AJAP1: variants seen among roughly 807,000 people sequenced by gnomAD.
The protein encoded by AJAP1 is adherens junction-associated protein 1.
A neutral mutation model predicts 35.0 loss-of-function variants in AJAP1; 5 were observed. The observed-to-expected ratio is 0.14, with a 90% CI of 0.07 to 0.30. AJAP1 has a LOEUF of 0.30. Among genes scored for constraint, AJAP1 ranks in the 10% least tolerant of loss-of-function variants. AJAP1 has a pLI of 1.00. For missense variants in AJAP1, 586 were observed against 571.0 expected, an observed-to-expected ratio of 1.03 and a Z score of -0.27; for synonymous variants, 284 against 249.3, an observed-to-expected ratio of 1.14 and a Z score of -1.31.
rs1642241764 is a variant in AJAP1, at chr1:4,791,059, C to T, written c.*8574C>T. The T allele has an allele frequency of 6.7e-6, 1 of 148,812 alleles. No individual in the cohort carries two copies. The highest frequency in any genetic ancestry group is 1.5e-5 in the Non-Finnish European group (1 of 67,684). The allele number at this position is 148,812 out of a possible 1,614,324, so 9.2% of individuals were successfully genotyped here. On this transcript the variant is annotated 3_prime_UTR_variant, in exon 6 of 6. Transcript: ENST00000378191. ...TGGAGCCCAGAGAGGGGGTCACCCT[C>T]CAGCTAAAATGATTTAAATGGAAAG...
intron 1 of AJAP1, among the ~76,000 whole-genome samples, chr1:4,708,724 G>A (rs747360118): frequency 5.9e-5 from 9 of 152,326 alleles, no homozygotes; most frequent in Non-Finnish European, 1.0e-4. Flanking sequence ...AAGCTCAGCC[G>A]TCTTGGTGGC....
At chr1:4,774,755 C>G (rs1391411140) in intron 5 of AJAP1, among the ~76,000 whole-genome samples, 197 bp downstream of exon 5, 2 of 152,058 alleles carry the variant, frequency 1.3e-5, no homozygotes, top group Admixed American at 1.3e-4. Flanking sequence ...TAGAAGTGCC[C>G]TCCCCGTCCC....
chr1:4,690,126 A>G (rs924993324), intron 1 of AJAP1, among the ~76,000 whole-genome samples: 4 of 152,120 alleles, frequency 2.6e-5, no homozygotes, highest in Admixed American at 1.3e-4. Flanking sequence ...AGTGTGGAGC[A>G]TGGGGCGACA....
chr1:4,706,114 G>A (rs890455162), intron 1 of AJAP1, among the ~76,000 whole-genome samples: 1 of 152,178 alleles, frequency 6.6e-6, no homozygotes, highest in Non-Finnish European at 1.5e-5. Flanking sequence ...ACGGGTCATT[G>A]GGGACCGAGG....
chr1:4,669,703 A>G (rs551833610), intron 1 of AJAP1, among the ~76,000 whole-genome samples: 2 of 152,308 alleles, frequency 1.3e-5, no homozygotes, highest in African/African-American at 4.8e-5. Flanking sequence ...TTCACTTAGC[A>G]TAATGTTTTT....
chr1:4,665,498 G>C (rs1242779088), intron 1 of AJAP1, among the ~76,000 whole-genome samples: 1 of 152,202 alleles, frequency 6.6e-6, no homozygotes, highest in Non-Finnish European at 1.5e-5. Flanking sequence ...CTGCACAGAA[G>C]CCTGATGCTC....
chr1:4,758,397 C>T (rs1314247763), intron 2 of AJAP1, among the ~76,000 whole-genome samples: 2 of 152,188 alleles, frequency 1.3e-5, no homozygotes, highest in East Asian at 3.8e-4. Context: ...GTTTCATCAA[C>T]TCACAGTTCT....
chr1:4,697,796 C>T (rs1042488054), intron 1 of AJAP1, among the ~76,000 whole-genome samples: 4 of 152,246 alleles, frequency 2.6e-5, no homozygotes, highest in African/African-American at 9.6e-5. Flanking sequence ...ACAGCCACCT[C>T]AGCAAAGGCA....
At chr1:4,777,044 G>T (rs1448267175) in intron 5 of AJAP1, among the ~76,000 whole-genome samples, 1 of 152,172 alleles carries the variant, frequency 6.6e-6, no homozygotes, top group Non-Finnish European at 1.5e-5. Context: ...AGATTCTGTT[G>T]CCGATTGCGG....
At chr1:4,663,124 C>T (rs913785227) in intron 1 of AJAP1, among the ~76,000 whole-genome samples, 1 of 152,130 alleles carries the variant, frequency 6.6e-6, no homozygotes, top group Non-Finnish European at 1.5e-5. Flanking sequence ...TGAAGGGCAT[C>T]ATTTTGTTTT....
intron 2 of AJAP1, among the ~76,000 whole-genome samples, chr1:4,715,143 G>T (rs913382361): frequency 1.3e-5 from 2 of 152,202 alleles, no homozygotes; most frequent in African/African-American, 4.8e-5. Context: ...GTCATCAGAT[G>T]CAGACCTGCG....
At chr1:4,718,948 G>A (rs901671666) in intron 2 of AJAP1, among the ~76,000 whole-genome samples, 4 of 152,176 alleles carry the variant, frequency 2.6e-5, no homozygotes, top group Admixed American at 6.5e-5. Flanking sequence ...TTAAGGGAAC[G>A]GATGGGGTCA....
intron 2 of AJAP1, among the ~76,000 whole-genome samples, chr1:4,713,150 G>A (rs1640305487): frequency 6.6e-6 from 1 of 152,230 alleles, no homozygotes; most frequent in Non-Finnish European, 1.5e-5. Flanking sequence ...CAAGGGTATG[G>A]GACCCATGGA....
intron 1 of AJAP1, among the ~76,000 whole-genome samples, chr1:4,710,169 G>GAC (rs34058244): frequency 0.54 from 81,894 of 151,620 alleles, 22,262 homozygotes; most frequent in South Asian, 0.71. Context: ...CTCTCACACA[G>GAC]ACACACTCAC....
At chr1:4,746,785 TG>T (rs1448967411) in intron 2 of AJAP1, among the ~76,000 whole-genome samples, 1 of 152,212 alleles carries the variant, frequency 6.6e-6, no homozygotes, top group Non-Finnish European at 1.5e-5. Flanking sequence ...CCCACACATT[TG>T]GGTGTCATAG....
chr1:4,756,036 A>G (rs1641423422), intron 2 of AJAP1, among the ~76,000 whole-genome samples: 1 of 152,122 alleles, frequency 6.6e-6, no homozygotes, highest in African/African-American at 2.4e-5. Context: ...TGCTAAGCAT[A>G]GACTTATGCT....
At chr1:4,715,002 A>G (rs1452108878) in intron 2 of AJAP1, among the ~76,000 whole-genome samples, 1 of 152,200 alleles carries the variant, frequency 6.6e-6, no homozygotes, top group East Asian at 1.9e-4. Context: ...AACAGGCTGC[A>G]TAATCTCCTT....
At position 4,783,543 on chromosome 1, in the gene AJAP1, ATGTT is replaced by A. The variant is rs1354659935; in HGVS notation, c.*1062_*1065del. ...TGTGTATATATATATATATATATAT[ATGTT>A]TGTGTGTGTATATATATGTTTGTGT... On this transcript the variant is annotated 3_prime_UTR_variant, in exon 6 of 6. Coordinates refer to ENST00000378191, the MANE Select transcript of AJAP1 (RefSeq NM_018836.4). 41 of 135,658 alleles carry A rather than the reference ATGTT, an allele frequency of 3.0e-4. No individual in the cohort carries two copies. Among genetic ancestry groups the A allele is most frequent in the African/African-American group, 1.1e-3 (37 of 35,220 alleles). The allele number at this position is 135,658 out of a possible 1,614,324, so 8.4% of individuals were successfully genotyped here. A position where few individuals can be genotyped will look rare whatever the true frequency, so the allele number is the denominator to read the frequency against.
chr1:4,747,814 C>T (rs554974774), intron 2 of AJAP1, among the ~76,000 whole-genome samples: 2 of 152,112 alleles, frequency 1.3e-5, no homozygotes, highest in South Asian at 4.1e-4. Flanking sequence ...ATGGCGAAAC[C>T]TTGTCTCTAC....
Sources: allele counts gnomAD v4.1 joint callset (sites outside exome capture counted in the v4.1 genomes callset), GRCh38; gene constraint gnomAD v4.1.1; transcripts MANE v1.5; gene names NCBI Gene and HGNC (gene_info 2026-07-23, HGNC 2026-07-21).